RNF182: variants seen among roughly 807,000 people sequenced by gnomAD.
RNF182 encodes the protein E3 ubiquitin-protein ligase RNF182.
In RNF182, 15 loss-of-function variants were observed where a neutral mutation model predicts 14.4. That is an observed-to-expected ratio of 1.04 (90% CI 0.70 to 1.60). The LOEUF (loss-of-function observed/expected upper bound fraction) is 1.60, where lower values mean the gene tolerates loss of function less well. Among genes scored for constraint, RNF182 ranks in the 40% most tolerant of loss-of-function variants. RNF182 has a pLI of 0.00. For missense variants in RNF182, 268 were observed against 294.8 expected (o/e 0.91, Z 0.67); for synonymous variants, 128 against 122.9 (o/e 1.04, Z -0.27).
intron 1 of RNF182, among the ~76,000 whole-genome samples, chr6:13,960,945 T>C (rs938034570): frequency 1.3e-5 from 2 of 152,172 alleles, no homozygotes; most frequent in Non-Finnish European, 2.9e-5. Flanking sequence ...AATAATCTAA[T>C]TTTCAGGCCA....
chr6:13,964,083 G>GT (rs1313165547), intron 1 of RNF182, among the ~76,000 whole-genome samples: 1 of 148,380 alleles, frequency 6.7e-6, no homozygotes, highest in Non-Finnish European at 1.5e-5. Context: ...TTTTTAAAAT[G>GT]TAAAAAAAAA....
chr6:13,977,200 C>G lies in RNF182; in HGVS notation c.81C>G (p.Tyr27Ter). Residue 27 changes from tyrosine to a stop codon, truncating the protein, a stop_gained, in exon 3 of 3, where the codon TAC becomes TAG. Transcript: ENST00000488300. LOFTEE classifies it high-confidence loss of function. ...AGTGCAAAATCTGTTACAATCGATA[C>G]AATCTGAAACAGAGGAAACCCAAAG... ...ELECKICYNR[Y>*]NLKQRKPKVL... The G allele has an allele frequency of 6.2e-7, 1 of 1,614,084 alleles. No individual in the cohort carries two copies. Among genetic ancestry groups the G allele is most frequent in the Non-Finnish European group, 8.5e-7 (1 of 1,179,982 alleles).
chr6:13,935,313 T>G (rs1023743796), intron 1 of RNF182, among the ~76,000 whole-genome samples: 2 of 152,102 alleles, frequency 1.3e-5, no homozygotes, highest in Non-Finnish European at 2.9e-5. Context: ...TCTTTTTTTT[T>G]TCTTTTTGCC....
At chr6:13,954,136 G>GC (rs771706683) in intron 1 of RNF182, among the ~76,000 whole-genome samples, 1 of 151,958 alleles carries the variant, frequency 6.6e-6, no homozygotes, top group African/African-American at 2.4e-5. Context: ...TCATTTATCT[G>GC]CCCCCCTCCC....
intron 1 of RNF182, among the ~76,000 whole-genome samples, chr6:13,942,567 C>T (rs1374486174): frequency 6.6e-6 from 1 of 152,130 alleles, no homozygotes; most frequent in East Asian, 1.9e-4. Context: ...ATCTCAAACT[C>T]CTGTCCTCAA....
At chr6:13,944,454 A>G (rs1339681573) in intron 1 of RNF182, among the ~76,000 whole-genome samples, 1 of 152,118 alleles carries the variant, frequency 6.6e-6, no homozygotes, top group Non-Finnish European at 1.5e-5. Flanking sequence ...TGAAAGTTGC[A>G]GTTTGTATAG....
chr6:13,966,042 C>T (rs548796594), intron 1 of RNF182, among the ~76,000 whole-genome samples: 1 of 152,166 alleles, frequency 6.6e-6, no homozygotes, highest in South Asian at 2.1e-4. Context: ...AAAACAAATA[C>T]AAGTTTTAAG....
At chr6:13,939,031 C>T (rs533125572) in intron 1 of RNF182, among the ~76,000 whole-genome samples, 1 of 152,094 alleles carries the variant, frequency 6.6e-6, no homozygotes, top group Non-Finnish European at 1.5e-5. Flanking sequence ...TGTAGTGAGC[C>T]AAGATTGCAC....
At chr6:13,930,840 A>G (rs1001547238) in intron 1 of RNF182, among the ~76,000 whole-genome samples, 1 of 152,242 alleles carries the variant, frequency 6.6e-6, no homozygotes, top group Admixed American at 6.5e-5. Context: ...TAAAAGGCTA[A>G]TAAATAGCTT....
chr6:13,949,244 C>A, intron 1 of RNF182: 1 of 787,364 alleles, frequency 1.3e-6, no homozygotes, highest in Non-Finnish European at 2.4e-6. Context: ...TAGTCATATT[C>A]AGACACCAGT....
chr6:13,958,389 T>C (rs1168724391), intron 1 of RNF182, among the ~76,000 whole-genome samples: 1 of 151,612 alleles, frequency 6.6e-6, no homozygotes, highest in Non-Finnish European at 1.5e-5. Context: ...CATCTCAAAA[T>C]AATAATAATA....
At position 13,977,829 on chromosome 6, in the gene RNF182, A is replaced by G; in HGVS notation, c.710A>G (p.His237Arg). 6.2e-7 allele frequency: 1 copy of G among 1,614,026 alleles called. No homozygotes were observed. ...MVYGFCQCVC[H>R]EFLDCMAPPS is the part of the protein sequence containing the mutation. The stretch of plus-strand genomic sequence containing the variant: ...TATGGTTTTTGCCAGTGTGTTTGTC[A>G]TGAATTTCTAGACTGTATGGCACCT... The change falls in exon 3 of 3, where the codon CAT becomes CGT. Residue 237 changes from histidine (H) to arginine (R), a missense_variant. Physicochemically the swap from His to Arg is conservative, Grantham distance 29 (BLOSUM62 0). Transcript: ENST00000488300.
intron 1 of RNF182, among the ~76,000 whole-genome samples, chr6:13,957,457 T>C (rs1759759090): frequency 6.6e-6 from 1 of 152,238 alleles, no homozygotes; most frequent in Non-Finnish European, 1.5e-5. Flanking sequence ...TTAAATTTCC[T>C]TTTAAAACCT....
intron 2 of RNF182, among the ~76,000 whole-genome samples, chr6:13,975,433 T>C (rs146931354): frequency 8.5e-5 from 13 of 152,304 alleles, no homozygotes; most frequent in African/African-American, 1.4e-4. Flanking sequence ...GCTTGGTTCG[T>C]GGTAGCAGTT....
In RNF182 at chr6:13,978,840, T is replaced by C. The variant is rs1284740330; in HGVS notation, c.*977T>C. On this transcript the variant is annotated 3_prime_UTR_variant, in exon 3 of 3. Coordinates refer to ENST00000488300, the MANE Select transcript of RNF182 (RefSeq NM_152737.4). ...TCTTATAACAATTCGAGGTGAACTG[T>C]GGCAATGAAAACCAGAAACAGTTAA... 1.2e-5 allele frequency: 2 copies of C among 167,098 alleles called. No homozygotes were observed. Among genetic ancestry groups the C allele is most frequent in the Non-Finnish European group, 2.9e-5 (2 of 68,108 alleles). 10.4% of individuals were successfully genotyped at this position (167,098 alleles called of 1,614,324 possible).
At chr6:13,930,447 A>T (rs1758939430) in intron 1 of RNF182, among the ~76,000 whole-genome samples, 1 of 152,188 alleles carries the variant, frequency 6.6e-6, no homozygotes, top group African/African-American at 2.4e-5. Flanking sequence ...TCACGGGGTT[A>T]TCCTCAACCT....
intron 1 of RNF182, among the ~76,000 whole-genome samples, chr6:13,934,206 A>T (rs1303502786): frequency 2.0e-5 from 3 of 152,166 alleles, no homozygotes; most frequent in African/African-American, 7.2e-5. Flanking sequence ...AAACATGACT[A>T]GTGGCTGCCA....
intron 1 of RNF182, among the ~76,000 whole-genome samples, chr6:13,950,183 T>G (rs1231771188): frequency 6.6e-6 from 1 of 152,318 alleles, no homozygotes; most frequent in East Asian, 1.9e-4. Context: ...ACTTTTATTT[T>G]TGGTGAAAAA....
At chr6:13,949,375 T>A in intron 1 of RNF182, 1 of 759,250 alleles carries the variant, frequency 1.3e-6, no homozygotes, top group Non-Finnish European at 2.5e-6. Context: ...CAGTCAGATC[T>A]CTAACATTCA....
Sources: gnomAD v4.1 joint callset for allele counts (sites outside exome capture counted in the v4.1 genomes callset) on GRCh38, gnomAD v4.1.1 for gene constraint, MANE v1.5 for transcripts, NCBI Gene and HGNC (gene_info 2026-07-23, HGNC 2026-07-21) for gene names.